Variants in KSR2 observed in about 807,000 individuals in gnomAD.
KSR2 encodes the protein kinase suppressor of ras 2.
A neutral mutation model predicts 107.8 loss-of-function variants in KSR2; 25 were observed. That is an observed-to-expected ratio of 0.23 (90% CI 0.17 to 0.32). The LOEUF is 0.32. Among genes scored for constraint, KSR2 ranks in the 10% least tolerant of loss-of-function variants. KSR2 has a pLI of 1.00. For synonymous variants in KSR2, 480 were observed against 507.0 expected (o/e 0.95, Z 0.71); for missense variants, 887 against 1,268.9 (o/e 0.70, Z 4.57).
intron 1 of KSR2, among the ~76,000 whole-genome samples, chr12:117,932,160 G>A (rs867497406): frequency 2.0e-5 from 3 of 152,048 alleles, no homozygotes; most frequent in Middle Eastern, 3.2e-3. Flanking sequence ...GATGGTGGGC[G>A]CCTGTAATCT....
intron 1 of KSR2, among the ~76,000 whole-genome samples, chr12:117,878,503 G>A (rs1893935334): frequency 6.6e-6 from 1 of 152,164 alleles, no homozygotes; most frequent in Non-Finnish European, 1.5e-5. Flanking sequence ...ATTGGTGGCA[G>A]GTGCTGTACT....
At chr12:117,646,806 G>C (rs553683054) in intron 5 of KSR2, among the ~76,000 whole-genome samples, 13 of 152,258 alleles carry the variant, frequency 8.5e-5, no homozygotes, top group African/African-American at 2.6e-4. Context: ...ACTTCTGAAG[G>C]GGCTTAGTCT....
At chr12:117,617,031 G>A (rs1881925801) in intron 5 of KSR2, among the ~76,000 whole-genome samples, 1 of 152,130 alleles carries the variant, frequency 6.6e-6, no homozygotes, top group African/African-American at 2.4e-5. Context: ...TTGTGGATGT[G>A]GTTTCCTTTG....
At chr12:117,692,734 C>T (rs1036342634) in intron 4 of KSR2, among the ~76,000 whole-genome samples, 11 of 151,934 alleles carry the variant, frequency 7.2e-5, no homozygotes, top group Admixed American at 2.6e-4. Flanking sequence ...AAAAAGAACA[C>T]GATTTGAGAC....
intron 4 of KSR2, among the ~76,000 whole-genome samples, chr12:117,680,624 A>G (rs1374422333): frequency 6.6e-6 from 1 of 152,172 alleles, no homozygotes; most frequent in East Asian, 1.9e-4. Context: ...GCTTAGCAAA[A>G]GACTGGAGGC....
At chr12:117,774,785 A>G (rs1200206393) in intron 3 of KSR2, among the ~76,000 whole-genome samples, 1 of 152,132 alleles carries the variant, frequency 6.6e-6, no homozygotes, top group African/African-American at 2.4e-5. Flanking sequence ...ATTACACCCA[A>G]AAGAAAACCC....
At chr12:117,663,577 G>T (rs1884526784) in intron 5 of KSR2, among the ~76,000 whole-genome samples, 1 of 152,126 alleles carries the variant, frequency 6.6e-6, no homozygotes, top group Non-Finnish European at 1.5e-5. Context: ...CCACGCTAGG[G>T]AATTTACATG....
At chr12:117,578,767 A>G (rs1333926310) in intron 7 of KSR2, among the ~76,000 whole-genome samples, 1 of 152,218 alleles carries the variant, frequency 6.6e-6, no homozygotes, top group African/African-American at 2.4e-5. Context: ...TGTATTGTTT[A>G]CGGCTGCTTA....
intron 14 of KSR2, among the ~76,000 whole-genome samples, chr12:117,496,055 A>AC (rs1873012151): frequency 2.1e-5 from 1 of 48,164 alleles, no homozygotes; most frequent in Non-Finnish European, 4.6e-5. Context: ...TCCGTCTCAA[A>AC]AAAAAAAAAA....
At chr12:117,640,760 T>C (rs747165049) in intron 5 of KSR2, among the ~76,000 whole-genome samples, 11 of 152,060 alleles carry the variant, frequency 7.2e-5, no homozygotes, top group African/African-American at 2.2e-4. Context: ...CCCAGAGCAA[T>C]GGGCCATTTT....
At chr12:117,737,396 G>A (rs1451525728) in intron 4 of KSR2, among the ~76,000 whole-genome samples, 1 of 152,134 alleles carries the variant, frequency 6.6e-6, no homozygotes, top group African/African-American at 2.4e-5. Flanking sequence ...ATGGGTTAAG[G>A]TGGTACCTTC....
At chr12:117,822,715 T>C (rs1448304831) in intron 3 of KSR2, among the ~76,000 whole-genome samples, 1 of 152,202 alleles carries the variant, frequency 6.6e-6, no homozygotes, top group Non-Finnish European at 1.5e-5. Flanking sequence ...GGGGTTTGTG[T>C]TAAATGATTT....
chr12:117,894,988 G>A (rs115945346), intron 1 of KSR2, among the ~76,000 whole-genome samples: 11 of 151,606 alleles, frequency 7.3e-5, no homozygotes, highest in Admixed American at 2.0e-4. Flanking sequence ...CTAGCTACTC[G>A]GGAGACTGAG....
chr12:117,677,848 T>G (rs1385742938), intron 4 of KSR2, among the ~76,000 whole-genome samples: 2 of 152,148 alleles, frequency 1.3e-5, no homozygotes, highest in African/African-American at 4.8e-5. Flanking sequence ...AAACTATATT[T>G]TGGATGAATG....
chr12:117,591,960 G>A (rs964014881), intron 5 of KSR2, among the ~76,000 whole-genome samples: 1 of 151,768 alleles, frequency 6.6e-6, no homozygotes, highest in Non-Finnish European at 1.5e-5. Context: ...AGTGAGCTGA[G>A]ATTGTGCCAC....
chr12:117,929,611 G>A (rs1396873749), intron 1 of KSR2, among the ~76,000 whole-genome samples: 1 of 152,196 alleles, frequency 6.6e-6, no homozygotes, highest in African/African-American at 2.4e-5. Context: ...CAACACAAGT[G>A]TCTGTCAGTA....
chr12:117,671,465 G>A (rs541688633), intron 4 of KSR2, among the ~76,000 whole-genome samples: 62 of 152,190 alleles, frequency 4.1e-4, no homozygotes, highest in Non-Finnish European at 7.1e-4. Flanking sequence ...ACTCTGTGCT[G>A]TTCATTTTCC....
intron 14 of KSR2, among the ~76,000 whole-genome samples, chr12:117,490,985 T>C (rs1419965299): frequency 1.3e-5 from 2 of 152,172 alleles, no homozygotes; most frequent in Non-Finnish European, 2.9e-5. Context: ...CTATTGTTAT[T>C]GATTATAATC....
intron 1 of KSR2, among the ~76,000 whole-genome samples, chr12:117,939,405 T>C (rs1895939391): frequency 6.6e-6 from 1 of 152,168 alleles, no homozygotes; most frequent in Non-Finnish European, 1.5e-5. Context: ...TTCTCTCTTC[T>C]TTTGTATAGA....
Sources: allele counts gnomAD v4.1 joint callset (sites outside exome capture counted in the v4.1 genomes callset), GRCh38; gene constraint gnomAD v4.1.1; transcripts MANE v1.5; gene names NCBI Gene and HGNC (gene_info 2026-07-23, HGNC 2026-07-21).